CDON: variants seen among roughly 807,000 people sequenced by gnomAD.
CDON encodes cell adhesion molecule-related/down-regulated by oncogenes.
CDON carries 73 observed loss-of-function variants against 120.9 expected under a neutral mutation model. That is an observed-to-expected ratio of 0.60 (90% CI 0.50 to 0.73). CDON has a LOEUF of 0.73. Among genes scored for constraint, CDON ranks in the 30% least tolerant of loss-of-function variants. The pLI is 0.00. For missense variants in CDON, 1,470 were observed against 1,587.3 expected, an observed-to-expected ratio of 0.93 and a Z score of 1.26; for synonymous variants, 566 against 573.5, an observed-to-expected ratio of 0.99 and a Z score of 0.19.
At chr11:126,051,684 G>A (rs981905439) in intron 1 of CDON, among the ~76,000 whole-genome samples, 1 of 130,120 alleles carries the variant, frequency 7.7e-6, no homozygotes, top group Non-Finnish European at 1.6e-5. Context: ...TCTCGCTCTT[G>A]TTGCTCAGGC....
At chr11:126,030,304 G>A (rs1432390652) in intron 1 of CDON, among the ~76,000 whole-genome samples, 1 of 152,082 alleles carries the variant, frequency 6.6e-6, no homozygotes, top group Non-Finnish European at 1.5e-5. Flanking sequence ...TAATCCTTTG[G>A]GAAAAGTCTT....
At chr11:125,998,822 G>A (rs543248110) in intron 11 of CDON, among the ~76,000 whole-genome samples, 41 of 152,242 alleles carry the variant, frequency 2.7e-4, no homozygotes, top group Middle Eastern at 6.8e-3. Flanking sequence ...TGATCTTTTG[G>A]CATGCTGACA....
intron 14 of CDON, 119 bp from the exon 15 acceptor site, chr11:125,989,878 G>A (rs1946582028): frequency 3.4e-6 from 3 of 887,062 alleles, no homozygotes; most frequent in Admixed American, 2.1e-5. Context: ...AGTAGTTTGT[G>A]CAATAAAAAT....
intron 16 of CDON, among the ~76,000 whole-genome samples, chr11:125,982,489 C>T (rs1389514373): frequency 6.6e-6 from 1 of 152,180 alleles, no homozygotes; most frequent in Admixed American, 6.5e-5. Flanking sequence ...TAGCTGCCCA[C>T]ATTACTGTGT....
At chr11:125,980,618 A>G (rs1169889225) in intron 17 of CDON, among the ~76,000 whole-genome samples, 1 of 152,172 alleles carries the variant, frequency 6.6e-6, no homozygotes, top group Non-Finnish European at 1.5e-5. Flanking sequence ...CTTCCTGAAG[A>G]CACTGTCTGT....
chr11:126,041,184 T>C (rs1203004331), intron 1 of CDON, among the ~76,000 whole-genome samples: 3 of 139,622 alleles, frequency 2.1e-5, no homozygotes, highest in African/African-American at 8.0e-5. Flanking sequence ...AGAGTGAGAC[T>C]GTCTAAAAAA....
intron 8 of CDON, among the ~76,000 whole-genome samples, chr11:126,009,732 C>T (rs1215028674): frequency 6.6e-6 from 1 of 152,140 alleles, no homozygotes; most frequent in Non-Finnish European, 1.5e-5. Context: ...GCCCTAAATG[C>T]CTACTGATGG....
chr11:125,998,049 T>C (rs1039203389), intron 11 of CDON, among the ~76,000 whole-genome samples: 2 of 152,084 alleles, frequency 1.3e-5, no homozygotes, highest in Admixed American at 6.5e-5. Flanking sequence ...GAAAACATGA[T>C]CCACGTGAAC....
rs910722785 is a variant in CDON, at chr11:125,958,599, A to T, written c.*2343T>A. The T allele has an allele frequency of 9.8e-6, 1 of 101,718 alleles. No individual in the cohort carries two copies. Among genetic ancestry groups the T allele is most frequent in the Non-Finnish European group, 2.0e-5 (1 of 48,974 alleles). The allele number at this position is 101,718 out of a possible 1,614,324, so 6.3% of individuals were successfully genotyped here. A position where few individuals can be genotyped will look rare whatever the true frequency, so the allele number is the denominator to read the frequency against. On this transcript the variant is annotated 3_prime_UTR_variant, in exon 20 of 20. Transcript: ENST00000531738. The stretch of plus-strand genomic sequence containing the variant: ...TGTGTGTGTGTGTGTGTGTTTATAT[A>T]TATATATTTATATATTTCAATATAT...
At chr11:126,048,294 A>AAAAG (rs1000567747) in intron 1 of CDON, among the ~76,000 whole-genome samples, 3 of 151,746 alleles carry the variant, frequency 2.0e-5, no homozygotes, top group African/African-American at 7.3e-5. Flanking sequence ...AAAAAAAAAA[A>AAAAG]AAGAAAAGAA....
intron 1 of CDON, among the ~76,000 whole-genome samples, chr11:126,042,643 C>T (rs1028352400): frequency 5.9e-5 from 9 of 152,196 alleles, no homozygotes; most frequent in African/African-American, 1.9e-4. Context: ...ATTTTTGAGA[C>T]GGGAGTCTCG....
chr11:126,006,134 G>C, intron 8 of CDON, 77 bp from the exon 9 acceptor site: 1 of 1,311,398 alleles, frequency 7.6e-7, no homozygotes, highest in Non-Finnish European at 1.1e-6. Context: ...TGACGTGACT[G>C]CCCTCACTTG....
chr11:125,961,263 GT>G (rs1176789928), intron 19 of CDON, among the ~76,000 whole-genome samples, 158 bp from the exon 20 acceptor site: 4 of 152,098 alleles, frequency 2.6e-5, no homozygotes, highest in Non-Finnish European at 5.9e-5. Context: ...GCGACAGAAG[GT>G]TTAAAAGGTT....
At chr11:126,011,660 C>T (rs185503260) in intron 7 of CDON, among the ~76,000 whole-genome samples, 80 of 152,176 alleles carry the variant, frequency 5.3e-4, no homozygotes, top group Admixed American at 1.1e-3. Flanking sequence ...TATCTCCTTC[C>T]TAATGTACTG....
At position 125,984,049 on chromosome 11, in the gene CDON, T is replaced by G. The variant is rs369673018; in HGVS notation, c.2818A>C (p.Ser940Arg). Residue 940 changes from serine (S) to arginine (R), a missense_variant, in exon 16 of 20, where the codon AGT becomes CGT. Physicochemically the swap from Ser to Arg is moderately radical, Grantham distance 110 (BLOSUM62 -1). Transcript: ENST00000531738. ...GASEYPVKDLSTPPNSLGSGG... is the reference protein window; with the variant it reads ...GASEYPVKDLRTPPNSLGSGG... ...CTTCCCAAAGAATTTGGAGGGGTAC[T>G]CAAGTCTTTGACAGGATATTCAGAA... is the stretch of plus-strand genomic sequence containing the variant. The G allele has an allele frequency of 5.6e-6, 9 of 1,613,880 alleles. No individual in the cohort carries two copies. Among genetic ancestry groups the G allele is most frequent in the Non-Finnish European group, 7.6e-6 (9 of 1,179,910 alleles).
intron 1 of CDON, among the ~76,000 whole-genome samples, chr11:126,055,528 G>A (rs182640096): frequency 2.6e-5 from 4 of 152,258 alleles, no homozygotes; most frequent in Admixed American, 6.5e-5. Flanking sequence ...AAATATCTAT[G>A]GATCCCAGAA....
intron 7 of CDON, 144 bp downstream of exon 7, chr11:126,015,097 T>C (rs772984305): frequency 7.7e-6 from 6 of 775,462 alleles, no homozygotes; most frequent in African/African-American, 3.5e-5. Context: ...TACCTGTCAC[T>C]AGCCAGGACC....
At chr11:125,963,808 CA>C (rs531485309) in intron 18 of CDON, among the ~76,000 whole-genome samples, 2 of 151,996 alleles carry the variant, frequency 1.3e-5, no homozygotes, top group African/African-American at 4.8e-5. Context: ...AATTCTATAG[CA>C]AAAAAATGCC....
intron 12 of CDON, 132 bp from the exon 13 acceptor site, chr11:125,995,184 T>A (rs1946746945): frequency 1.3e-6 from 1 of 765,858 alleles, no homozygotes; most frequent in Admixed American, 2.1e-5. Context: ...TACTAAAGTA[T>A]CTAAAGCCTG....
Sources: gnomAD v4.1 joint callset for allele counts (sites outside exome capture counted in the v4.1 genomes callset) on GRCh38, gnomAD v4.1.1 for gene constraint, MANE v1.5 for transcripts, NCBI Gene and HGNC (gene_info 2026-07-23, HGNC 2026-07-21) for gene names.